The following PLEKHA1 variants were observed in gnomAD, a reference collection of about 807,000 sequenced individuals.
The protein encoded by PLEKHA1 is pleckstrin homology domain containing A1.
In PLEKHA1, 34 loss-of-function variants were observed where a neutral mutation model predicts 52.0. That is an observed-to-expected ratio of 0.65 (90% CI 0.50 to 0.87). PLEKHA1 has a LOEUF of 0.87. Among genes scored for constraint, PLEKHA1 ranks in the 40% least tolerant of loss-of-function variants. The pLI is 0.00. For synonymous variants in PLEKHA1, 163 were observed against 170.7 expected (o/e 0.95, Z 0.35); for missense variants, 497 against 504.2 (o/e 0.99, Z 0.14).
At chr10:122,376,070 A>G (rs575871349) in intron 1 of PLEKHA1, among the ~76,000 whole-genome samples, 29 of 152,288 alleles carry the variant, frequency 1.9e-4, no homozygotes, top group Middle Eastern at 3.4e-3. Flanking sequence ...TGTTAATTTG[A>G]TGCCACTGAA....
At chr10:122,428,280 G>A (rs1250692128) in intron 11 of PLEKHA1, 22 of 1,540,076 alleles carry the variant, frequency 1.4e-5, no homozygotes, top group Non-Finnish European at 1.7e-5. Flanking sequence ...TTCCAGATGC[G>A]GCAGGCCAGA....
At chr10:122,438,115 G>A in the PLEKHA1 span, 1 of 152,260 alleles carries the variant, frequency 6.6e-6, no homozygotes, top group African/African-American at 2.4e-5. Context: ...AATTAGCAGG[G>A]TGTGGTGGCG....
chr10:122,407,373 G>T (rs190696392), intron 5 of PLEKHA1, among the ~76,000 whole-genome samples: 3 of 152,256 alleles, frequency 2.0e-5, no homozygotes, highest in Non-Finnish European at 1.5e-5. Flanking sequence ...CACTGTGCCA[G>T]ATCTTAGACC....
At chr10:122,400,532 A>G in intron 4 of PLEKHA1, 144 bp downstream of exon 4, 1 of 673,426 alleles carries the variant, frequency 1.5e-6, no homozygotes, top group Non-Finnish European at 2.3e-6. Context: ...CTATACAGAT[A>G]AGGAAATAAC....
intron 10 of PLEKHA1, among the ~76,000 whole-genome samples, chr10:122,426,697 A>G (rs2097344278): frequency 6.6e-6 from 1 of 152,196 alleles, no homozygotes; most frequent in Non-Finnish European, 1.5e-5. Context: ...GTCTGGAGGT[A>G]TTCATTATTG....
At chr10:122,380,698 C>A (rs143179248) in intron 1 of PLEKHA1, among the ~76,000 whole-genome samples, 1 of 151,990 alleles carries the variant, frequency 6.6e-6, no homozygotes, top group Admixed American at 6.6e-5. Context: ...CAACCTTGGC[C>A]GAACATTAGA....
chr10:122,376,059 A>G (rs1377345043), intron 1 of PLEKHA1, among the ~76,000 whole-genome samples: 1 of 152,142 alleles, frequency 6.6e-6, no homozygotes, highest in Admixed American at 6.5e-5. Context: ...CATACTTTCT[A>G]TGTTAATTTG....
intron 1 of PLEKHA1, among the ~76,000 whole-genome samples, chr10:122,378,933 T>C (rs1224592324): frequency 6.6e-6 from 1 of 152,066 alleles, no homozygotes; most frequent in Non-Finnish European, 1.5e-5. Context: ...TTCCTTTCCC[T>C]CTTAAGGGAT....
At chr10:122,428,317 G>T in intron 11 of PLEKHA1, 2 of 1,547,374 alleles carry the variant, frequency 1.3e-6, no homozygotes, top group Non-Finnish European at 1.7e-6. Context: ...GTATACAGAG[G>T]TATACATCAA....
At chr10:122,426,592 AC>A (rs1287011694) in intron 10 of PLEKHA1, among the ~76,000 whole-genome samples, 2 of 152,226 alleles carry the variant, frequency 1.3e-5, no homozygotes, top group Non-Finnish European at 2.9e-5. Flanking sequence ...TTACACAACT[AC>A]ATAAATATTC....
At chr10:122,378,279 A>C (rs1489511071) in intron 1 of PLEKHA1, among the ~76,000 whole-genome samples, 1 of 152,210 alleles carries the variant, frequency 6.6e-6, no homozygotes, top group Non-Finnish European at 1.5e-5. Context: ...CAGGTTATTC[A>C]GCAGTCCAAG....
At chr10:122,420,412 C>T (rs1386615418) in intron 8 of PLEKHA1, 1 of 151,976 alleles carries the variant, frequency 6.6e-6, no homozygotes, top group Non-Finnish European at 1.5e-5. Context: ...CCTGCATATA[C>T]CCATCACCTA....
chr10:122,399,827 C>T (rs1398006661), intron 3 of PLEKHA1, among the ~76,000 whole-genome samples: 10 of 152,038 alleles, frequency 6.6e-5, no homozygotes, highest in Admixed American at 4.6e-4. Flanking sequence ...CCTCGTGATC[C>T]GCCCGCCTTG....
At chr10:122,442,427 G>A in the PLEKHA1 span, 1 of 151,906 alleles carries the variant, frequency 6.6e-6, no homozygotes, top group African/African-American at 2.4e-5. Flanking sequence ...AAAATGATTT[G>A]TAATTTCTCC....
At chr10:122,395,133 C>G (rs1164827084) in intron 2 of PLEKHA1, among the ~76,000 whole-genome samples, 1 of 152,054 alleles carries the variant, frequency 6.6e-6, no homozygotes, top group Non-Finnish European at 1.5e-5. Flanking sequence ...GGGCAGAGAT[C>G]AAAGCAAGAG....
chr10:122,401,181 G>A (rs1370727543), intron 4 of PLEKHA1, among the ~76,000 whole-genome samples: 1 of 152,056 alleles, frequency 6.6e-6, no homozygotes, highest in African/African-American at 2.4e-5. Flanking sequence ...GAAGCTAGAG[G>A]GTATGATAAA....
chr10:122,415,737 C>G, intron 6 of PLEKHA1, 122 bp from the exon 7 acceptor site: 2 of 941,912 alleles, frequency 2.1e-6, no homozygotes, highest in South Asian at 4.2e-5. Context: ...AATTAGAAAA[C>G]TCTTCAAAAA....
At chr10:122,378,379 C>G (rs2133529838) in intron 1 of PLEKHA1, among the ~76,000 whole-genome samples, 1 of 150,678 alleles carries the variant, frequency 6.6e-6, no homozygotes, top group African/African-American at 2.4e-5. Flanking sequence ...TTTCCCACCC[C>G]CCTGTCCCCC....
chr10:122,397,767 A>T (rs2096871134), intron 2 of PLEKHA1, 151 bp from the exon 3 acceptor site: 1 of 576,640 alleles, frequency 1.7e-6, no homozygotes, highest in African/African-American at 1.9e-5. Flanking sequence ...TTTCAGACCT[A>T]GTAAAAATTT....
Sources: allele counts gnomAD v4.1 joint callset (sites outside exome capture counted in the v4.1 genomes callset), GRCh38; gene constraint gnomAD v4.1.1; transcripts MANE v1.5; gene names NCBI Gene and HGNC (gene_info 2026-07-23, HGNC 2026-07-21).